Variants in SORL1 observed in about 807,000 individuals in gnomAD.
SORL1 encodes sortilin-related receptor.
SORL1 carries 127 observed loss-of-function variants against 273.7 expected under a neutral mutation model. That is an observed-to-expected ratio of 0.46 (90% CI 0.40 to 0.54). The LOEUF (loss-of-function observed/expected upper bound fraction) is 0.54. SORL1 is among the 20% of genes least tolerant of loss of function. SORL1 has a pLI of 0.00. For synonymous variants in SORL1, 1,031 were observed against 1,067.4 expected (o/e 0.97, Z 0.66); for missense variants, 2,494 against 2,846.1 (o/e 0.88, Z 2.81).
intron 32 of SORL1, among the ~76,000 whole-genome samples, chr11:121,602,577 A>G (rs939505601): frequency 2.6e-5 from 4 of 152,024 alleles, no homozygotes; most frequent in African/African-American, 9.7e-5. Flanking sequence ...TTCTCTACCT[A>G]TATCTCAAAG....
At chr11:121,513,161 A>G in intron 7 of SORL1, 57 bp downstream of exon 7, 1 of 1,321,242 alleles carries the variant, frequency 7.6e-7, no homozygotes, top group African/African-American at 1.4e-5. Flanking sequence ...TGCAGAGGTC[A>G]GAGGAAGGTT....
intron 20 of SORL1, 38 bp downstream of exon 20, chr11:121,558,875 C>A (rs375062073): frequency 6.2e-7 from 1 of 1,610,958 alleles, no homozygotes; most frequent in South Asian, 1.1e-5. Context: ...TCTGCTAGAG[C>A]GGGTGAGGAG....
At chr11:121,577,507 C>A in intron 25 of SORL1, 107 bp downstream of exon 25, 1 of 1,250,086 alleles carries the variant, frequency 8.0e-7, no homozygotes, top group Non-Finnish European at 1.1e-6. Flanking sequence ...TAGCTTGGAC[C>A]TTAGAAATCA....
At chr11:121,612,456 GT>G (rs1440536700) in intron 39 of SORL1, 4 of 276,678 alleles carry the variant, frequency 1.4e-5, no homozygotes, top group Admixed American at 5.0e-5. Flanking sequence ...TTATTAATTG[GT>G]TCTCGTCCTT....
At chr11:121,566,817 C>A in intron 21 of SORL1, 123 bp from the exon 22 acceptor site, 1 of 920,648 alleles carries the variant, frequency 1.1e-6, no homozygotes, top group Non-Finnish European at 1.6e-6. Flanking sequence ...GCCACTTGAC[C>A]CTTGAGAGCT....
rs199858814 is a variant in SORL1, at chr11:121,522,678, G to A, written c.1497G>A (p.Ser499=). The change falls in exon 10 of 48, where the codon TCG becomes TCA. Residue 499 remains serine (S), a synonymous_variant. Coordinates refer to ENST00000260197, the MANE Select transcript of SORL1 (RefSeq NM_003105.6). ...GAATGCCCATCCTGTCCAAGGAGTC[G>A]GCTCCAGGCCTCATCATCGCCACTG... ...LRRMPILSKE[S]APGLIIATGS... The A allele has an allele frequency of 6.2e-6, 10 of 1,613,942 alleles. No individual in the cohort carries two copies. Among genetic ancestry groups the A allele is most frequent in the Non-Finnish European group, 8.5e-6 (10 of 1,179,834 alleles).
In SORL1 at chr11:121,570,162, A is replaced by G. The variant is rs1245872242; in HGVS notation, c.3229A>G (p.Thr1077Ala). ...KNNTCVKQEN[T>A]CLRNQYRCSN... ...TGCCGCACTCTGATGGGTAGAGAAC[A>G]CCTGTCTTCGCAACCAGTATCGCTG... The change falls in exon 23 of 48, where the codon ACC becomes GCC. Residue 1077 changes from threonine (T) to alanine (A), a missense_variant. Thr to Ala is a moderately conservative substitution (Grantham distance 58, BLOSUM62 0). Transcript: ENST00000260197. The G allele has an allele frequency of 4.3e-6, 7 of 1,612,758 alleles. No homozygotes were observed. In the Admixed American group the frequency reaches 1.2e-4, roughly 27 times the overall value.
intron 21 of SORL1, among the ~76,000 whole-genome samples, chr11:121,564,123 G>A (rs545746814): frequency 2.6e-5 from 4 of 152,286 alleles, no homozygotes; most frequent in South Asian, 2.1e-4. Flanking sequence ...TTGAGATAAC[G>A]GTTTTCATAT....
rs542023444 is a variant in SORL1, at chr11:121,550,142, G to A, written c.2180+54G>A. The A allele has an allele frequency of 2.0e-5, 32 of 1,571,954 alleles. No individual in the cohort carries two copies. Among genetic ancestry groups the A allele is most frequent in the Middle Eastern group, 1.7e-4 (1 of 5,878 alleles). ...GTTCTCAGCGGTCCGCACATGGAGC[G>A]AGAGAGCATAGAGGACCGTCTGGAT... On this transcript the variant is annotated intron_variant, in intron 15 of 47. Transcript: ENST00000260197. The surrounding 1 kb of genome is among the most constrained non-coding windows in gnomAD (Gnocchi z 5.3).
At chr11:121,513,948 G>A (rs796431574) in intron 7 of SORL1, among the ~76,000 whole-genome samples, 1 of 152,312 alleles carries the variant, frequency 6.6e-6, no homozygotes, top group African/African-American at 2.4e-5. Flanking sequence ...GCCAGTAAGG[G>A]GCCCGCTAAG....
chr11:121,623,977 G>A (rs368208838), intron 45 of SORL1, among the ~76,000 whole-genome samples: 23 of 152,328 alleles, frequency 1.5e-4, no homozygotes, highest in African/African-American at 4.1e-4. Context: ...AGGCAAAGAG[G>A]AGCAAAGCCA....
chr11:121,517,698 G>A (rs1007707714), intron 8 of SORL1, among the ~76,000 whole-genome samples: 10 of 152,242 alleles, frequency 6.6e-5, no homozygotes, highest in African/African-American at 1.2e-4. Context: ...TTGCCTGAGC[G>A]CACAGTCCAG....
At chr11:121,583,366 T>G in intron 25 of SORL1, 92 bp from the exon 26 acceptor site, 1 of 1,427,680 alleles carries the variant, frequency 7.0e-7, no homozygotes, top group Non-Finnish European at 9.4e-7. Context: ...TATTCCTACC[T>G]CATGCAAACC....
chr11:121,486,497 T>G (rs1370534248), intron 3 of SORL1, among the ~76,000 whole-genome samples: 4 of 150,132 alleles, frequency 2.7e-5, no homozygotes, highest in Middle Eastern at 3.4e-3. Context: ...TTTTTTTTTT[T>G]GAGACGGAGT....
chr11:121,619,392 C>T (rs547382860), intron 42 of SORL1, among the ~76,000 whole-genome samples: 10 of 152,114 alleles, frequency 6.6e-5, no homozygotes, highest in Admixed American at 2.0e-4. Context: ...AAAATCTCTA[C>T]GCTATATTAT....
intron 6 of SORL1, 102 bp downstream of exon 6, chr11:121,497,151 G>C: frequency 1.1e-6 from 1 of 949,046 alleles, no homozygotes; most frequent in South Asian, 1.5e-5. Flanking sequence ...GGAATTGGAA[G>C]GATGTGCTTG....
chr11:121,604,199 A>T lies in SORL1; in HGVS notation c.4526A>T (p.His1509Leu), dbSNP rs1863433174. Residue 1509 changes from histidine (H) to leucine (L), a missense_variant, in exon 33 of 48, where the codon CAC becomes CTC. His to Leu is a moderately conservative substitution (Grantham distance 99). Coordinates refer to ENST00000260197, the MANE Select transcript of SORL1 (RefSeq NM_003105.6). ...AAGCCTCTCTGTGTTTCAGCCACAC[A>T]CAGCACCTTGACTTGCATGAGCAGG... is the stretch of plus-strand genomic sequence containing the variant. ...DGRDEANCPT[H>L]STLTCMSREF... 3 of 1,614,112 alleles carry T rather than the reference A, an allele frequency of 1.9e-6. No homozygotes were observed. The highest frequency in any genetic ancestry group is 2.5e-6 in the Non-Finnish European group (3 of 1,180,020).
At chr11:121,548,317 A>T (rs577541089) in intron 14 of SORL1, among the ~76,000 whole-genome samples, 1 of 152,184 alleles carries the variant, frequency 6.6e-6, no homozygotes, top group East Asian at 1.9e-4. Context: ...GTGCTTTGCT[A>T]TTGGAGGCAA....
At chr11:121,594,684 CT>C (rs528738753) in intron 31 of SORL1, among the ~76,000 whole-genome samples, 63 of 152,214 alleles carry the variant, frequency 4.1e-4, no homozygotes, top group African/African-American at 1.4e-3. Flanking sequence ...TCCAAATGGC[CT>C]TTTTGGGGGT....
Sources: gnomAD v4.1 joint callset for allele counts (sites outside exome capture counted in the v4.1 genomes callset) on GRCh38, gnomAD v4.1.1 for gene constraint, Gnocchi (gnomAD v3.1) non-coding constraint, MANE v1.5 for transcripts, NCBI Gene and HGNC (gene_info 2026-07-23, HGNC 2026-07-21) for gene names.